SGCZ: variants seen among roughly 807,000 people sequenced by gnomAD.
SGCZ encodes the protein zeta-sarcoglycan.
In SGCZ, 40 loss-of-function variants were observed where a neutral mutation model predicts 41.3. The observed-to-expected ratio is 0.97, with a 90% CI of 0.75 to 1.26. SGCZ has a LOEUF of 1.26. SGCZ is among the 50% of genes most tolerant of loss of function. SGCZ has a pLI of 0.00. For synonymous variants in SGCZ, 206 were observed against 137.5 expected (o/e 1.50, Z -3.49); for missense variants, 552 against 369.8 (o/e 1.49, Z -4.04).
intron 1 of SGCZ, among the ~76,000 whole-genome samples, chr8:14,767,634 C>T (rs545143812): frequency 8.5e-5 from 13 of 152,200 alleles, no homozygotes; most frequent in Admixed American, 2.0e-4. Flanking sequence ...TTATTTCAAA[C>T]GAAATTTTAT....
At chr8:14,476,190 T>C (rs1005730575) in intron 2 of SGCZ, among the ~76,000 whole-genome samples, 1 of 152,168 alleles carries the variant, frequency 6.6e-6, no homozygotes, top group South Asian at 2.1e-4. Context: ...AGTGTTTCTG[T>C]ATTAGCATTT....
chr8:15,202,667 T>A (rs989871779), intron 1 of SGCZ, among the ~76,000 whole-genome samples: 3 of 152,118 alleles, frequency 2.0e-5, no homozygotes, highest in African/African-American at 7.2e-5. Flanking sequence ...AATAATAATT[T>A]AACAAGAAAA....
intron 1 of SGCZ, among the ~76,000 whole-genome samples, chr8:15,046,760 T>C (rs1472784548): frequency 4.6e-5 from 7 of 152,024 alleles, no homozygotes; most frequent in African/African-American, 1.7e-4. Flanking sequence ...TGGATATAGT[T>C]ACAGATATAC....
rs943983503 is a variant in SGCZ, at chr8:14,089,565, T to C, written c.*878A>G. Reference sequence around the variant, plus strand: ...ACTATTAAAACCTAGGTGTAAAGGATAGCATGTGAATTTTTTAAAAATCAT... The same window carrying C: ...ACTATTAAAACCTAGGTGTAAAGGACAGCATGTGAATTTTTTAAAAATCAT... On this transcript the variant is annotated 3_prime_UTR_variant, in exon 8 of 8. Transcript: ENST00000382080. Among the ~76,000 whole-genome samples, 3 of 152,022 alleles carry C rather than the reference T, an allele frequency of 2.0e-5. No homozygotes were observed. Among genetic ancestry groups the C allele is most frequent in the Admixed American group, 6.6e-5 (1 of 15,232 alleles).
chr8:14,346,038 G>T (rs990471754), intron 2 of SGCZ, among the ~76,000 whole-genome samples: 2 of 152,002 alleles, frequency 1.3e-5, no homozygotes, highest in Non-Finnish European at 2.9e-5. Context: ...AAACCCCCTA[G>T]AATATACAAC....
At chr8:14,797,886 C>T (rs1801188957) in intron 1 of SGCZ, among the ~76,000 whole-genome samples, 1 of 152,214 alleles carries the variant, frequency 6.6e-6, no homozygotes, top group Non-Finnish European at 1.5e-5. Flanking sequence ...AACCCCAAGC[C>T]TTGGCAGTTT....
intron 1 of SGCZ, among the ~76,000 whole-genome samples, chr8:15,158,921 A>C (rs923110439): frequency 1.3e-5 from 2 of 152,320 alleles, no homozygotes; most frequent in South Asian, 4.1e-4. Flanking sequence ...TCAAATATAT[A>C]TTTGGTCTTC....
intron 1 of SGCZ, among the ~76,000 whole-genome samples, chr8:15,097,857 CGTGT>C (rs774918023): frequency 0.077 from 3,024 of 39,220 alleles, 264 homozygotes; most frequent in African/African-American, 0.3. Context: ...TATATATATA[CGTGT>C]GTGTGTATAT....
chr8:14,705,559 C>T (rs189367036), intron 1 of SGCZ, among the ~76,000 whole-genome samples: 23 of 152,022 alleles, frequency 1.5e-4, no homozygotes, highest in Non-Finnish European at 7.4e-5. Flanking sequence ...AGTTTTGAAG[C>T]AATTTAATAG....
intron 1 of SGCZ, among the ~76,000 whole-genome samples, chr8:14,846,780 G>T (rs73535062): frequency 0.013 from 1,913 of 147,628 alleles, 29 homozygotes; most frequent in African/African-American, 0.031. Context: ...AAGAAGAGAA[G>T]AATACCAGGC....
intron 1 of SGCZ, among the ~76,000 whole-genome samples, chr8:15,151,202 T>C (rs1016606813): frequency 3.3e-5 from 5 of 152,216 alleles, no homozygotes; most frequent in African/African-American, 9.6e-5. Flanking sequence ...TTCTTGCACA[T>C]AGACCCTCCT....
At chr8:15,065,475 G>C (rs1199330300) in intron 1 of SGCZ, among the ~76,000 whole-genome samples, 1 of 149,318 alleles carries the variant, frequency 6.7e-6, no homozygotes, top group East Asian at 2.0e-4. Context: ...GTCAAGGTCT[G>C]GCTCTACTGC....
At chr8:14,533,177 G>C (rs1229180098) in intron 2 of SGCZ, among the ~76,000 whole-genome samples, 1 of 148,980 alleles carries the variant, frequency 6.7e-6, no homozygotes, top group East Asian at 2.0e-4. Context: ...CCGGTGTGTT[G>C]TCTTCCCCAC....
intron 1 of SGCZ, among the ~76,000 whole-genome samples, chr8:14,582,203 T>C (rs955785515): frequency 3.9e-4 from 59 of 152,288 alleles, no homozygotes; most frequent in African/African-American, 1.4e-3. Context: ...ATGCTATTGA[T>C]AACATAAGCA....
chr8:14,877,242 G>A (rs113069442), intron 1 of SGCZ, among the ~76,000 whole-genome samples: 3 of 152,100 alleles, frequency 2.0e-5, no homozygotes, highest in Non-Finnish European at 4.4e-5. Flanking sequence ...AAAGTGCTGG[G>A]ATTACCAAGT....
intron 4 of SGCZ, among the ~76,000 whole-genome samples, chr8:14,208,760 C>A (rs1036011059): frequency 6.6e-6 from 1 of 152,026 alleles, no homozygotes; most frequent in Non-Finnish European, 1.5e-5. Context: ...GGTAATTTAT[C>A]TGAAGGAAAT....
intron 1 of SGCZ, among the ~76,000 whole-genome samples, chr8:14,638,286 C>A (rs1475654465): frequency 1.3e-5 from 2 of 151,864 alleles, no homozygotes; most frequent in African/African-American, 4.8e-5. Context: ...GTCATTACAA[C>A]TGCAGAGCAG....
intron 1 of SGCZ, among the ~76,000 whole-genome samples, chr8:14,566,800 T>G (rs1447401362): frequency 6.6e-6 from 1 of 152,158 alleles, no homozygotes; most frequent in Non-Finnish European, 1.5e-5. Context: ...GCTGGCTCCC[T>G]CAGCTTGCGG....
Position 14,383,262 on chromosome 8 carries a change from T to C in SGCZ, c.235-59058A>G, listed in dbSNP as rs1804437350. 2.0e-5 allele frequency among the ~76,000 whole-genome samples: 3 copies of C among 152,336 alleles called. No individual in the cohort carries two copies. The South Asian group carries it at 6.2e-4, about 32-fold the overall frequency. The stretch of plus-strand genomic sequence containing the variant: ...AATTAAAATGTCAAGAATACAAAGC[T>C]CTGATTTTGAAGAAATACTGATAAG... On this transcript the variant is annotated intron_variant, in intron 2 of 7. Transcript: ENST00000382080.
Sources: allele counts gnomAD v4.1 joint callset (sites outside exome capture counted in the v4.1 genomes callset), GRCh38; gene constraint gnomAD v4.1.1; transcripts MANE v1.5; gene names NCBI Gene and HGNC (gene_info 2026-07-23, HGNC 2026-07-21).